The following SLC17A6 variants were observed in gnomAD, a reference collection of about 807,000 sequenced individuals.
The protein encoded by SLC17A6 is vesicular glutamate transporter 2.
A neutral mutation model predicts 67.1 loss-of-function variants in SLC17A6; 35 were observed. The ratio of observed to expected loss-of-function variants is 0.52; its 90% CI spans 0.40 to 0.69. SLC17A6 has a LOEUF of 0.69. Among genes scored for constraint, SLC17A6 ranks in the 30% least tolerant of loss-of-function variants. SLC17A6 has a pLI of 0.00. For missense variants in SLC17A6, 588 were observed against 723.9 expected, an observed-to-expected ratio of 0.81 and a Z score of 2.15; for synonymous variants, 285 against 252.3, an observed-to-expected ratio of 1.13 and a Z score of -1.23.
chr11:22,353,306 G>A lies in SLC17A6; in HGVS notation c.459-6107G>A, dbSNP rs74233083. 5.9e-5 allele frequency among the ~76,000 whole-genome samples: 9 copies of A among 152,210 alleles called. No homozygotes were observed. In the East Asian group the frequency reaches 1.5e-3, roughly 26 times the overall value. On this transcript the variant is annotated intron_variant, in intron 3 of 11. Coordinates refer to ENST00000263160, the MANE Select transcript of SLC17A6 (RefSeq NM_020346.3). ...GACAACTTGCCCAAAGTCATACTTA[G>A]CAAGAAATTAGAATTTTAATTTGGA...
intron 3 of SLC17A6, among the ~76,000 whole-genome samples, chr11:22,357,938 G>A (rs1856009225): frequency 6.6e-6 from 1 of 152,128 alleles, no homozygotes; most frequent in South Asian, 2.1e-4. Flanking sequence ...GGGAAGGCGG[G>A]TACAGGCTAC....
chr11:22,376,146 A>G (rs983468544), intron 10 of SLC17A6, 54 bp downstream of exon 10: 3 of 1,216,540 alleles, frequency 2.5e-6, no homozygotes, highest in Admixed American at 1.8e-5. Context: ...TTGACTGCTG[A>G]TAAAAGACAC....
chr11:22,371,475 A>G (rs768938000), intron 8 of SLC17A6, among the ~76,000 whole-genome samples: 1 of 151,890 alleles, frequency 6.6e-6, no homozygotes, highest in Admixed American at 6.6e-5. Flanking sequence ...AGCTGATCAA[A>G]CATTCCAGGG....
At position 22,377,737 on chromosome 11, in the gene SLC17A6, A is replaced by T; in HGVS notation, c.1746A>T (p.Ser582=). 1.9e-6 allele frequency: 3 copies of T among 1,545,552 alleles called. No individual in the cohort carries two copies. The highest frequency in any genetic ancestry group is 2.6e-6 in the Non-Finnish European group (3 of 1,146,702). ...SHSYKDRVDY[S] is the part of the protein sequence containing the mutation. ...GCTATAAGGACCGAGTTGATTATTC[A>T]TAACAAAACTAATTACTGGATTTAT... is the stretch of plus-strand genomic sequence containing the variant. The change falls in exon 12 of 12, where the codon TCA becomes TCT. Residue 582 remains serine, a synonymous_variant. Transcript: ENST00000263160.
chr11:22,353,788 G>A (rs981961327), intron 3 of SLC17A6, among the ~76,000 whole-genome samples: 1 of 152,054 alleles, frequency 6.6e-6, no homozygotes, highest in Non-Finnish European at 1.5e-5. Flanking sequence ...TTTCCACTAT[G>A]TCCAACTTTG....
At chr11:22,352,277 A>C (rs1181787348) in intron 3 of SLC17A6, among the ~76,000 whole-genome samples, 1 of 152,204 alleles carries the variant, frequency 6.6e-6, no homozygotes, top group East Asian at 1.9e-4. Context: ...CTCAGCAACT[A>C]TCTCAAGTGA....
intron 3 of SLC17A6, among the ~76,000 whole-genome samples, chr11:22,350,483 T>C (rs1329615531): frequency 6.6e-6 from 1 of 152,100 alleles, no homozygotes; most frequent in Non-Finnish European, 1.5e-5. Flanking sequence ...CAATTTTAAG[T>C]GGTTTTCAAA....
intron 1 of SLC17A6, 22 bp downstream of exon 1, chr11:22,338,641 C>T: frequency 1.9e-6 from 3 of 1,571,774 alleles, no homozygotes; most frequent in Non-Finnish European, 2.6e-6. Context: ...CGAACACTTG[C>T]TTACCTGGGG....
chr11:22,358,891 A>G (rs16909334), intron 3 of SLC17A6, among the ~76,000 whole-genome samples: 14,474 of 152,232 alleles, frequency 0.095, 770 homozygotes, highest in South Asian at 0.12. Context: ...GAGTTCATTT[A>G]TAAAATTTCT....
Position 22,375,964 on chromosome 11 carries a change from A to G in SLC17A6, c.1175-18A>G, listed in dbSNP as rs367757485. On this transcript the variant is annotated intron_variant, in intron 9 of 11. Coordinates refer to ENST00000263160, the MANE Select transcript of SLC17A6 (RefSeq NM_020346.3). ...TTTCAAAAATTTCTGAAGAATTTCT[A>G]TGTGTTTGCTTCTGAAGGTTTTGGC... The G allele has an allele frequency of 8.7e-5, 136 of 1,569,476 alleles. No homozygotes were observed. Among genetic ancestry groups the G allele is most frequent in the Non-Finnish European group, 1.1e-4 (126 of 1,154,574 alleles).
intron 1 of SLC17A6, among the ~76,000 whole-genome samples, chr11:22,340,817 G>T (rs946058843): frequency 6.6e-6 from 1 of 152,158 alleles, no homozygotes; most frequent in South Asian, 2.1e-4. Context: ...CTAGAGCCCT[G>T]GGGCGGGATG....
rs79660866 is a variant in SLC17A6 at position 22,365,801 on chromosome 11, T to C, written c.891+112T>C. ...AGCAAAACTAATTTGGTATCAATCA[T>C]AACTTCTTTTATTTTGGTCCATCCA... On this transcript the variant is annotated intron_variant, in intron 7 of 11. Coordinates refer to ENST00000263160, the MANE Select transcript of SLC17A6 (RefSeq NM_020346.3). 2.6e-3 allele frequency: 2,957 copies of C among 1,138,906 alleles called. 57 individuals are homozygous for C. In the African/African-American group the frequency reaches 0.042, roughly 16 times the overall value. 70.6% of individuals were successfully genotyped at this position (1,138,906 alleles called of 1,614,324 possible).
At chr11:22,361,764 T>C (rs1273253245) in intron 5 of SLC17A6, among the ~76,000 whole-genome samples, 1 of 152,188 alleles carries the variant, frequency 6.6e-6, no homozygotes, top group Non-Finnish European at 1.5e-5. Flanking sequence ...ATCAGTTTAA[T>C]TTAAGGTCAT....
At chr11:22,376,715 C>G (rs778960698) in intron 11 of SLC17A6, 43 bp downstream of exon 11, 13 of 1,604,448 alleles carry the variant, frequency 8.1e-6, no homozygotes, top group Non-Finnish European at 1.1e-5. Flanking sequence ...AAGACAGTTT[C>G]TCAAAATGAT....
chr11:22,368,648 A>G (rs937190776), intron 7 of SLC17A6, among the ~76,000 whole-genome samples: 2 of 152,040 alleles, frequency 1.3e-5, no homozygotes, highest in Non-Finnish European at 1.5e-5. Flanking sequence ...AAGTTCTTTT[A>G]CTTTTAATAG....
chr11:22,376,706 A>G, intron 11 of SLC17A6, 34 bp downstream of exon 11: 2 of 1,609,288 alleles, frequency 1.2e-6, no homozygotes, highest in Non-Finnish European at 1.7e-6. Flanking sequence ...TAGTCATAGA[A>G]GACAGTTTCT....
chr11:22,359,799 G>A (rs79195612), intron 4 of SLC17A6, among the ~76,000 whole-genome samples: 280 of 147,722 alleles, frequency 1.9e-3, no homozygotes, highest in East Asian at 7.2e-3. Flanking sequence ...AAAAAAACAG[G>A]GACTTTTGTT....
Position 22,377,488 on chromosome 11 carries a change from A to C in SLC17A6, c.1497A>C (p.Ser499=). The C allele has an allele frequency of 6.2e-7, 1 of 1,614,154 alleles. No individual in the cohort carries two copies. The highest frequency in any genetic ancestry group is 8.5e-7 in the Non-Finnish European group (1 of 1,180,016). The change falls in exon 12 of 12, where the codon TCA becomes TCC. Residue 499 remains serine, a synonymous_variant. Transcript: ENST00000263160. ...GGVIFYAIFA[S]GEKQPWADPE... ...TTATATTTTATGCAATATTTGCCTCAGGAGAGAAACAACCCTGGGCAGACC... is the reference window on the plus strand; with the variant it reads ...TTATATTTTATGCAATATTTGCCTCCGGAGAGAAACAACCCTGGGCAGACC...
chr11:22,353,441 T>C (rs1855964026), intron 3 of SLC17A6, among the ~76,000 whole-genome samples: 1 of 152,204 alleles, frequency 6.6e-6, no homozygotes, highest in Admixed American at 6.5e-5. Context: ...GACTGAGAAA[T>C]GAGGCTAAAA....
Sources: allele counts gnomAD v4.1 joint callset (sites outside exome capture counted in the v4.1 genomes callset), GRCh38; gene constraint gnomAD v4.1.1; transcripts MANE v1.5; gene names NCBI Gene and HGNC (gene_info 2026-07-23, HGNC 2026-07-21).